The following ARHGAP21 variants were observed in gnomAD, a reference collection of about 807,000 sequenced individuals.
ARHGAP21 encodes rho GTPase-activating protein 21.
Under a neutral mutation model 164.6 loss-of-function variants are expected in ARHGAP21, and 38 were observed. That is an observed-to-expected ratio of 0.23 (90% CI 0.18 to 0.30). The LOEUF is 0.30. Ranked by LOEUF, ARHGAP21 falls within the 10% of genes least tolerant of loss-of-function variation. The pLI, the probability that ARHGAP21 is intolerant of heterozygous loss-of-function variation, is 1.00. For missense variants in ARHGAP21, 1,822 were observed against 2,370.7 expected (o/e 0.77, Z 4.81); for synonymous variants, 766 against 857.9 (o/e 0.89, Z 1.87).
At chr10:24,655,904 A>C (rs1261763517) in intron 4 of ARHGAP21, among the ~76,000 whole-genome samples, 1 of 92,008 alleles carries the variant, frequency 1.1e-5, no homozygotes, top group Non-Finnish European at 2.2e-5. Flanking sequence ...TGCCCGGCCG[A>C]GACCCCGTCT....
intron 2 of ARHGAP21, among the ~76,000 whole-genome samples, chr10:24,685,812 G>A (rs1842160577): frequency 6.6e-6 from 1 of 152,152 alleles, no homozygotes; most frequent in South Asian, 2.1e-4. Context: ...GGAAGTGGAG[G>A]TTGCAGTGAG....
intron 5 of ARHGAP21, 39 bp downstream of exon 5, chr10:24,634,972 A>G (rs751972660): frequency 5.4e-5 from 74 of 1,379,278 alleles, no homozygotes; most frequent in Non-Finnish European, 6.8e-5. Flanking sequence ...AAAGTGAAAA[A>G]GAAATTAAAA....
chr10:24,603,641 A>G (rs528332438), intron 12 of ARHGAP21, among the ~76,000 whole-genome samples: 36 of 152,102 alleles, frequency 2.4e-4, no homozygotes, highest in Non-Finnish European at 4.7e-4. Context: ...TTTTAATAGG[A>G]TAATGGTACA....
At chr10:24,603,937 A>C (rs955352368) in intron 12 of ARHGAP21, among the ~76,000 whole-genome samples, 10 of 152,076 alleles carry the variant, frequency 6.6e-5, no homozygotes, top group African/African-American at 2.4e-4. Flanking sequence ...TGGAGGTTGA[A>C]AAAGGCAGGA....
chr10:24,665,966 T>C (rs1282105604), intron 4 of ARHGAP21, among the ~76,000 whole-genome samples: 2 of 152,234 alleles, frequency 1.3e-5, no homozygotes, highest in African/African-American at 4.8e-5. Flanking sequence ...GTTTACATAG[T>C]AGTATTGTAC....
chr10:24,589,138 A>G, intron 25 of ARHGAP21, 133 bp downstream of exon 25: 2 of 805,892 alleles, frequency 2.5e-6, no homozygotes, highest in South Asian at 1.5e-5. Context: ...TGTTTTAGGA[A>G]TTAATTTTTT....
At position 24,709,468 on chromosome 10, in the gene ARHGAP21, C is replaced by T. The variant is rs55996431; in HGVS notation, c.63+12369G>A. Among the ~76,000 whole-genome samples the T allele has an allele frequency of 1.6e-3, 246 of 152,206 alleles. 1 individual carries two copies. Among genetic ancestry groups the T allele is most frequent in the African/African-American group, 5.7e-3 (237 of 41,532 alleles). ...AAACTGGAAAAGGGGGCGGGCACTG[C>T]GTCTCATGCCTGTAATCCCCGCACT... is the stretch of plus-strand genomic sequence containing the variant. On this transcript the variant is annotated intron_variant, in intron 2 of 25. Coordinates refer to ENST00000396432, the MANE Select transcript of ARHGAP21 (RefSeq NM_020824.4).
intron 2 of ARHGAP21, among the ~76,000 whole-genome samples, chr10:24,705,421 T>C (rs1276596190): frequency 6.6e-6 from 1 of 152,234 alleles, no homozygotes; most frequent in African/African-American, 2.4e-5. Flanking sequence ...CCATCTCTGA[T>C]TTCTCTGATA....
chr10:24,687,940 TATAA>T (rs1293864033), intron 2 of ARHGAP21, among the ~76,000 whole-genome samples: 1 of 152,280 alleles, frequency 6.6e-6, no homozygotes, highest in Non-Finnish European at 1.5e-5. Flanking sequence ...TAAATGTATG[TATAA>T]ATAAGTTTTT....
At chr10:24,678,798 A>G (rs1267720403) in intron 2 of ARHGAP21, among the ~76,000 whole-genome samples, 1 of 152,106 alleles carries the variant, frequency 6.6e-6, no homozygotes, top group African/African-American at 2.4e-5. Flanking sequence ...CTCCCAAATT[A>G]ATCTGTTCTA....
At chr10:24,671,669 T>C (rs901439382) in intron 2 of ARHGAP21, among the ~76,000 whole-genome samples, 6 of 152,048 alleles carry the variant, frequency 3.9e-5, no homozygotes, top group African/African-American at 1.4e-4. Context: ...CTTTACTATA[T>C]ATAGCATTCC....
chr10:24,594,123 T>C (rs543446199), intron 21 of ARHGAP21, among the ~76,000 whole-genome samples: 1 of 152,320 alleles, frequency 6.6e-6, no homozygotes, highest in South Asian at 2.1e-4. Flanking sequence ...TGTGGTATTC[T>C]TTTATTTTCT....
intron 4 of ARHGAP21, among the ~76,000 whole-genome samples, chr10:24,647,195 C>A (rs1837657671): frequency 6.6e-6 from 1 of 152,208 alleles, no homozygotes; most frequent in African/African-American, 2.4e-5. Flanking sequence ...GAACTTCTGA[C>A]AATGCTACTT....
chr10:24,680,076 G>A (rs1017153369), intron 2 of ARHGAP21, among the ~76,000 whole-genome samples: 3 of 152,062 alleles, frequency 2.0e-5, no homozygotes, highest in African/African-American at 7.2e-5. Context: ...ATCTAAATAA[G>A]TGAACCCTTC....
chr10:24,678,062 G>A (rs1841432427), intron 2 of ARHGAP21, among the ~76,000 whole-genome samples: 1 of 151,250 alleles, frequency 6.6e-6, no homozygotes, highest in African/African-American at 2.4e-5. Context: ...AGGAGTTCGA[G>A]ACCAGCCTGG....
chr10:24,607,477 AAAT>A lies in ARHGAP21; in HGVS notation c.2684+19_2684+21del. 6.2e-7 allele frequency: 1 copy of A among 1,600,092 alleles called. No homozygotes were observed. On this transcript the variant is annotated intron_variant, in intron 11 of 25. Coordinates refer to ENST00000396432, the MANE Select transcript of ARHGAP21 (RefSeq NM_020824.4). ...ACACCCACCCACATACAAATATTTA[AAAT>A]AATACACCCGAGACTTACAATTTTG... is the stretch of plus-strand genomic sequence containing the variant.
At chr10:24,609,416 GGATA>G (rs1413991467) in intron 9 of ARHGAP21, among the ~76,000 whole-genome samples, 3 of 152,158 alleles carry the variant, frequency 2.0e-5, no homozygotes, top group Non-Finnish European at 4.4e-5. Context: ...ACAGGTGGGA[GGATA>G]GATACTCACC....
At chr10:24,592,786 A>T (rs904161068) in intron 21 of ARHGAP21, among the ~76,000 whole-genome samples, 2 of 152,158 alleles carry the variant, frequency 1.3e-5, no homozygotes, top group Admixed American at 1.3e-4. Context: ...CAGAAATGAA[A>T]AGTGGAAGAA....
chr10:24,694,563 A>G (rs1448210411), intron 2 of ARHGAP21, among the ~76,000 whole-genome samples: 1 of 152,214 alleles, frequency 6.6e-6, no homozygotes, highest in East Asian at 1.9e-4. Context: ...TATTTCACAC[A>G]TATTTTAACA....
Sources: allele counts gnomAD v4.1 joint callset (sites outside exome capture counted in the v4.1 genomes callset), GRCh38; gene constraint gnomAD v4.1.1; transcripts MANE v1.5; gene names NCBI Gene and HGNC (gene_info 2026-07-23, HGNC 2026-07-21).